Variants in FLT3LG observed in about 807,000 individuals in gnomAD.
FLT3LG encodes the protein fms-related tyrosine kinase 3 ligand.
Under a neutral mutation model 30.9 loss-of-function variants are expected in FLT3LG, and 8 were observed. The ratio of observed to expected loss-of-function variants is 0.26; its 90% confidence interval spans 0.15 to 0.47. The LOEUF is 0.47. Ranked by LOEUF, FLT3LG falls within the 20% of genes least tolerant of loss-of-function variation. The pLI is 0.99. For missense variants in FLT3LG, 278 were observed against 306.2 expected (o/e 0.91, Z 0.69); for synonymous variants, 123 against 135.9 (o/e 0.91, Z 0.66).
At position 49,476,468 on chromosome 19, in the gene FLT3LG, T is replaced by C; in HGVS notation, c.244T>C (p.Trp82Arg). 6.2e-7 allele frequency: 1 copy of C among 1,614,070 alleles called. No individual in the cohort carries two copies. Among genetic ancestry groups the C allele is most frequent in the Non-Finnish European group, 8.5e-7 (1 of 1,180,014 alleles). Residue 82 changes from tryptophan (W) to arginine (R), a missense_variant, in exon 5 of 9, where the codon TGG becomes CGG. Physicochemically the swap from Trp to Arg is moderately radical, Grantham distance 101. Coordinates refer to ENST00000597551, the MANE Select transcript of FLT3LG (RefSeq NM_001459.4). This position sits in a 1 kb window ranked among gnomAD's most constrained non-coding sequence, Gnocchi z 5.3. ...CTGGCGGCTGGTCCTGGCACAGCGC[T>C]GGATGGAGCGGCTCAAGACTGTCGC... is the stretch of plus-strand genomic sequence containing the variant. ...GLWRLVLAQR[W>R]MERLKTVAGS...
chr19:49,480,165 C>G (rs992646774), intron 6 of FLT3LG, 133 bp from the exon 7 acceptor site: 8 of 640,170 alleles, frequency 1.2e-5, no homozygotes, highest in Non-Finnish European at 2.2e-5. Context: ...CCTAGTTTTA[C>G]AGATGAGCAA....
chr19:49,480,998 C>T (rs1447614348), intron 8 of FLT3LG: 1 of 160,876 alleles, frequency 6.2e-6, no homozygotes, highest in East Asian at 1.7e-4. Flanking sequence ...CGCCACTGGA[C>T]TCCAGCCTGA....
chr19:49,478,550 A>G (rs1328749211), intron 5 of FLT3LG, among the ~76,000 whole-genome samples: 1 of 150,200 alleles, frequency 6.7e-6, no homozygotes, highest in East Asian at 2.0e-4. Context: ...AGGTGGGCAG[A>G]TCACCTGAGG....
At position 49,475,815 on chromosome 19, in the gene FLT3LG, C is replaced by T. The variant is rs188006054; in HGVS notation, c.144+14C>T. ...ATCCGTGAGCTGGTGAGCGGCGCTG[C>T]CCCGGACCCCCTCATGTGATCCCCC... On this transcript the variant is annotated intron_variant, in intron 3 of 8. Coordinates refer to ENST00000597551, the MANE Select transcript of FLT3LG (RefSeq NM_001459.4). 6.2e-5 allele frequency: 98 copies of T among 1,579,550 alleles called. No individual in the cohort carries two copies. The highest frequency in any genetic ancestry group is 1.9e-4 in the Admixed American group (11 of 59,224).
intron 8 of FLT3LG, among the ~76,000 whole-genome samples, chr19:49,485,259 T>C (rs1411517890): frequency 2.0e-5 from 3 of 149,506 alleles, no homozygotes; most frequent in Admixed American, 6.6e-5. Flanking sequence ...TTTTTTTTTT[T>C]TTTTTTGAGA....
intron 8 of FLT3LG, chr19:49,481,587 G>T (rs1025158456): frequency 6.6e-6 from 1 of 152,602 alleles, no homozygotes; most frequent in East Asian, 1.9e-4. Flanking sequence ...GGAAGAAGGA[G>T]GGGAGGCCCC....
At position 49,480,884 on chromosome 19, in the gene FLT3LG, T is replaced by C. The variant is rs1226214541; in HGVS notation, c.*21+264T>C. On this transcript the variant is annotated intron_variant, in intron 8 of 8. Coordinates refer to ENST00000597551, the MANE Select transcript of FLT3LG (RefSeq NM_001459.4). The stretch of plus-strand genomic sequence containing the variant: ...CAGTCTCTACTAAAAATACAAAAAT[T>C]AACTGGGCATAGTGGTGTGTGCCTG... 3 of 444,518 alleles carry C rather than the reference T, an allele frequency of 6.7e-6. No individual in the cohort carries two copies. The East Asian group carries it at 1.2e-4, about 18-fold the overall frequency. The allele number at this position is 444,518 out of a possible 1,614,324, so 27.5% of individuals were successfully genotyped here. A position where few individuals can be genotyped will look rare whatever the true frequency, so the allele number is the denominator to read the frequency against.
intron 8 of FLT3LG, chr19:49,480,840 T>C (rs1294815272): frequency 1.5e-5 from 8 of 550,530 alleles, no homozygotes; most frequent in Non-Finnish European, 2.6e-5. Flanking sequence ...AAGACCAGCC[T>C]GGCCAACATG....
At chr19:49,474,891 G>A (rs1160301101) in intron 2 of FLT3LG, among the ~76,000 whole-genome samples, 1 of 127,736 alleles carries the variant, frequency 7.8e-6, no homozygotes, top group Non-Finnish European at 1.6e-5. Context: ...GGGAGATAGA[G>A]GAGAGGGAGA....
At chr19:49,484,349 C>A (rs1288231605) in intron 8 of FLT3LG, among the ~76,000 whole-genome samples, 1 of 133,018 alleles carries the variant, frequency 7.5e-6, no homozygotes, top group Non-Finnish European at 1.5e-5. Context: ...GGCTGGAGTG[C>A]AGTGGTGCTA....
At chr19:49,480,915 C>T (rs2079584334) in intron 8 of FLT3LG, 2 of 314,688 alleles carry the variant, frequency 6.4e-6, no homozygotes, top group East Asian at 1.2e-4. Flanking sequence ...GCCTGTAATC[C>T]CAGCTACTCA....
At chr19:49,474,727 G>A in intron 2 of FLT3LG, 55 bp downstream of exon 2, 1 of 1,580,216 alleles carries the variant, frequency 6.3e-7, no homozygotes, top group Non-Finnish European at 8.7e-7. Flanking sequence ...ATGTCAGGAT[G>A]GGGCAGAGAT....
chr19:49,475,290 A>G (rs962038210), intron 2 of FLT3LG, among the ~76,000 whole-genome samples: 3 of 151,814 alleles, frequency 2.0e-5, no homozygotes, highest in Admixed American at 2.0e-4. Flanking sequence ...GGGAAGGTGG[A>G]CAGAGCCAAG....
intron 6 of FLT3LG, chr19:49,479,568 C>G (rs2079526931): frequency 7.1e-6 from 1 of 140,860 alleles, no homozygotes; most frequent in Admixed American, 8.1e-5. Context: ...GGGGTGCTAT[C>G]TCGGCTCACT....
chr19:49,479,458 G>GTGC (rs2079520120), intron 6 of FLT3LG, among the ~76,000 whole-genome samples: 1 of 148,376 alleles, frequency 6.7e-6, no homozygotes, highest in Non-Finnish European at 1.5e-5. Context: ...GCCTCCCAAA[G>GTGC]TGCTGGGATT....
chr19:49,480,454 G>A lies in FLT3LG; in HGVS notation c.638G>A (p.Arg213Lys). The A allele has an allele frequency of 6.3e-7, 1 of 1,590,180 alleles. No individual in the cohort carries two copies. Among genetic ancestry groups the A allele is most frequent in the Non-Finnish European group, 8.6e-7 (1 of 1,168,862 alleles). ...WCLHWQRTRR[R>K]TPRPGEQVPP... is the part of the protein sequence containing the mutation. ...CTGCACTGGCAGAGGACGCGGCGGAGGACACCCCGCCCTGGGGAGCAGGTG... is the reference window on the plus strand; with the variant it reads ...CTGCACTGGCAGAGGACGCGGCGGAAGACACCCCGCCCTGGGGAGCAGGTG... Residue 213 changes from arginine (R) to lysine (K), a missense_variant, in exon 7 of 9, where the codon AGG (arginine) becomes AAG (lysine). Coordinates refer to ENST00000597551, the MANE Select transcript of FLT3LG (RefSeq NM_001459.4).
chr19:49,477,874 C>T (rs1010677631), intron 5 of FLT3LG, among the ~76,000 whole-genome samples: 5 of 151,376 alleles, frequency 3.3e-5, no homozygotes, highest in African/African-American at 7.3e-5. Flanking sequence ...GGTGAAACCC[C>T]GTCTCTACTA....
intron 5 of FLT3LG, 47 bp from the exon 6 acceptor site, chr19:49,478,862 C>G (rs769957989): frequency 6.9e-7 from 1 of 1,458,476 alleles, no homozygotes; most frequent in African/African-American, 1.4e-5. Flanking sequence ...TGCGGAGGGG[C>G]GGTGGGGGGA....
In FLT3LG at chr19:49,475,805, A is replaced by G; in HGVS notation, c.144+4A>G. 1 of 1,611,586 alleles carries G rather than the reference A, an allele frequency of 6.2e-7. No individual in the cohort carries two copies. ...CGCTGTCAAAATCCGTGAGCTGGTG[A>G]GCGGCGCTGCCCCGGACCCCCTCAT... On this transcript the variant is annotated splice_donor_region_variant and intron_variant, in intron 3 of 8. Transcript: ENST00000597551.
Sources: allele counts gnomAD v4.1 joint callset (sites outside exome capture counted in the v4.1 genomes callset), GRCh38; gene constraint gnomAD v4.1.1; non-coding constraint Gnocchi (gnomAD v3.1); transcripts MANE v1.5; gene names NCBI Gene and HGNC (gene_info 2026-07-23, HGNC 2026-07-21).